Variants in NRG3 observed in about 807,000 individuals in gnomAD.
The protein encoded by NRG3 is pro-neuregulin-3, membrane-bound isoform.
Under a neutral mutation model 66.9 loss-of-function variants are expected in NRG3, and 31 were observed. That is an observed-to-expected ratio of 0.46 (90% confidence interval 0.35 to 0.63). The LOEUF is 0.63. Ranked by LOEUF, NRG3 falls within the 20% of genes least tolerant of loss-of-function variation. NRG3 has a pLI of 0.00. For synonymous variants in NRG3, 393 were observed against 359.4 expected (o/e 1.09, Z -1.06); for missense variants, 910 against 878.9 (o/e 1.04, Z -0.45).
chr10:82,464,467 A>T (rs973456039), intron 2 of NRG3, among the ~76,000 whole-genome samples: 5 of 152,220 alleles, frequency 3.3e-5, no homozygotes, highest in African/African-American at 1.2e-4. Flanking sequence ...TCACATGCAC[A>T]TGATATCTTG....
rs186403079 is a variant in NRG3, at chr10:82,026,814, G to A, written c.823+150651G>A. Among the ~76,000 whole-genome samples the A allele has an allele frequency of 5.6e-4, 85 of 151,886 alleles. 1 individual carries two copies. In the East Asian group the frequency reaches 0.015, roughly 27 times the overall value. Reference sequence around the variant, plus strand: ...GTCATCATTTTCATAATAACTTTAAGGTTTATTACAGAAAACTAGAATAGA... The same window carrying A: ...GTCATCATTTTCATAATAACTTTAAAGTTTATTACAGAAAACTAGAATAGA... On this transcript the variant is annotated intron_variant, in intron 1 of 8. Coordinates refer to ENST00000372141, the MANE Select transcript of NRG3 (RefSeq NM_001010848.4).
At chr10:81,890,808 G>T (rs1842950621) in intron 1 of NRG3, among the ~76,000 whole-genome samples, 1 of 152,164 alleles carries the variant, frequency 6.6e-6, no homozygotes, top group South Asian at 2.1e-4. Flanking sequence ...ATAATGACAG[G>T]AGAGTGTCTA....
At chr10:82,616,285 G>T (rs750788450) in intron 2 of NRG3, among the ~76,000 whole-genome samples, 21 of 152,144 alleles carry the variant, frequency 1.4e-4, no homozygotes, top group Non-Finnish European at 2.5e-4. Context: ...TAAAACCTTA[G>T]ATATAAATAC....
At chr10:82,942,698 C>T (rs1025181989) in intron 4 of NRG3, among the ~76,000 whole-genome samples, 3 of 152,214 alleles carry the variant, frequency 2.0e-5, no homozygotes, top group African/African-American at 7.2e-5. Context: ...ACTCATCTCA[C>T]TCCAGGAGCA....
intron 1 of NRG3, among the ~76,000 whole-genome samples, chr10:82,180,602 A>T (rs2073348854): frequency 6.6e-6 from 1 of 151,842 alleles, no homozygotes; most frequent in South Asian, 2.1e-4. Context: ...CACTTGGTAA[A>T]AAAGTATATA....
intron 1 of NRG3, among the ~76,000 whole-genome samples, chr10:82,231,299 T>C (rs935070835): frequency 2.6e-5 from 4 of 151,650 alleles, no homozygotes; most frequent in African/African-American, 9.7e-5. Flanking sequence ...CAGTGAGCCA[T>C]GATTGTGCCA....
chr10:82,757,865 G>T (rs1369773549), intron 3 of NRG3, among the ~76,000 whole-genome samples: 1 of 151,966 alleles, frequency 6.6e-6, no homozygotes, highest in African/African-American at 2.4e-5. Flanking sequence ...ATTAAATCTA[G>T]TTCTAGATGT....
intron 2 of NRG3, among the ~76,000 whole-genome samples, chr10:82,564,443 A>T (rs2133049442): frequency 6.6e-6 from 1 of 152,268 alleles, no homozygotes; most frequent in Non-Finnish European, 1.5e-5. Flanking sequence ...AGGAAAAGAA[A>T]GCATAGAAGG....
chr10:82,505,030 T>A (rs1322912824), intron 2 of NRG3, among the ~76,000 whole-genome samples: 3 of 152,208 alleles, frequency 2.0e-5, no homozygotes, highest in Non-Finnish European at 4.4e-5. Context: ...TTTTATTAGT[T>A]TTTTCTTTAA....
At chr10:82,512,291 T>A (rs955457264) in intron 2 of NRG3, among the ~76,000 whole-genome samples, 5 of 152,044 alleles carry the variant, frequency 3.3e-5, no homozygotes, top group African/African-American at 9.6e-5. Flanking sequence ...TCTTTTATTT[T>A]TTTTTATTTT....
chr10:82,185,555 A>G (rs980598599), intron 1 of NRG3, among the ~76,000 whole-genome samples: 60 of 152,346 alleles, frequency 3.9e-4, no homozygotes, highest in African/African-American at 9.4e-4. Context: ...TTATTTTACT[A>G]CTTGCATACT....
intron 2 of NRG3, among the ~76,000 whole-genome samples, chr10:82,444,283 A>C (rs2090598836): frequency 6.6e-6 from 1 of 152,080 alleles, no homozygotes; most frequent in Non-Finnish European, 1.5e-5. Flanking sequence ...TTGTATTTTT[A>C]GTAGAGACGG....
intron 3 of NRG3, among the ~76,000 whole-genome samples, chr10:82,798,499 A>G (rs1356962541): frequency 6.6e-6 from 1 of 152,190 alleles, no homozygotes; most frequent in African/African-American, 2.4e-5. Flanking sequence ...GTAGGTTTAC[A>G]GTTCCAAGGG....
At chr10:82,599,566 G>A (rs891161433) in intron 2 of NRG3, among the ~76,000 whole-genome samples, 1 of 152,212 alleles carries the variant, frequency 6.6e-6, no homozygotes, top group African/African-American at 2.4e-5. Context: ...TGTAATCTCA[G>A]CACTTTGGGA....
At chr10:81,991,947 A>T (rs1452985464) in intron 1 of NRG3, among the ~76,000 whole-genome samples, 7 of 152,112 alleles carry the variant, frequency 4.6e-5, no homozygotes, top group African/African-American at 1.4e-4. Context: ...TAGTCACAGA[A>T]AAACTCCTGA....
intron 1 of NRG3, among the ~76,000 whole-genome samples, chr10:81,877,042 T>G (rs748904326): frequency 7.9e-5 from 12 of 152,200 alleles, no homozygotes; most frequent in Admixed American, 1.3e-4. Context: ...GAGAGTTTTC[T>G]GCACTCAAGG....
At chr10:81,892,640 G>A (rs1564636506) in intron 1 of NRG3, among the ~76,000 whole-genome samples, 1 of 152,182 alleles carries the variant, frequency 6.6e-6, no homozygotes, top group African/African-American at 2.4e-5. Context: ...TGGAGATAGA[G>A]AGTAGATGAA....
At chr10:82,415,751 T>C (rs988675177) in intron 2 of NRG3, among the ~76,000 whole-genome samples, 1 of 152,156 alleles carries the variant, frequency 6.6e-6, no homozygotes, top group Non-Finnish European at 1.5e-5. Context: ...AACTGTATAA[T>C]TGGTAGGACG....
chr10:82,841,672 T>C (rs1461040021), intron 3 of NRG3, among the ~76,000 whole-genome samples: 1 of 152,106 alleles, frequency 6.6e-6, no homozygotes, highest in Non-Finnish European at 1.5e-5. Flanking sequence ...TCACAAACTA[T>C]TGAGGGTGAA....
Sources: allele counts gnomAD v4.1 joint callset (sites outside exome capture counted in the v4.1 genomes callset), GRCh38; gene constraint gnomAD v4.1.1; transcripts MANE v1.5; gene names NCBI Gene and HGNC (gene_info 2026-07-23, HGNC 2026-07-21).